CDH18: variants seen among roughly 807,000 people sequenced by gnomAD.
CDH18 encodes cadherin-18.
Under a neutral mutation model 67.9 loss-of-function variants are expected in CDH18, and 31 were observed. The observed-to-expected ratio is 0.46, with a 90% CI of 0.34 to 0.62. The LOEUF is 0.62. CDH18 is among the 20% of genes least tolerant of loss of function. The probability of loss-of-function intolerance (pLI) is 0.01; values close to 1 mark genes in which losing one functional copy is unlikely to be tolerated. For missense variants in CDH18, 890 were observed against 975.5 expected, an observed-to-expected ratio of 0.91 and a Z score of 1.17; for synonymous variants, 362 against 347.2, an observed-to-expected ratio of 1.04 and a Z score of -0.48.
intron 2 of CDH18, among the ~76,000 whole-genome samples, chr5:19,960,685 A>ATG (rs1796766530): frequency 1.5e-5 from 2 of 133,954 alleles, no homozygotes; most frequent in African/African-American, 7.2e-5. Context: ...ATATGTATAC[A>ATG]TATACACGTG....
chr5:19,593,737 T>TCTTCTTCTTCTTCTTCTTCTTCTTCTC (rs1325157951), intron 6 of CDH18, among the ~76,000 whole-genome samples: 9 of 139,320 alleles, frequency 6.5e-5, no homozygotes, highest in African/African-American at 1.5e-4. Context: ...TTCTTCTTCT[T>TCTTCTTCTTCTTCTTCTTCTTCTTCTC]CTTCTTCTTC....
chr5:19,875,394 GTATA>G (rs1316107229), intron 2 of CDH18, among the ~76,000 whole-genome samples: 1 of 115,584 alleles, frequency 8.7e-6, no homozygotes, highest in East Asian at 2.5e-4. Context: ...TCTTCCATGG[GTATA>G]GATAGATAGA....
intron 1 of CDH18, among the ~76,000 whole-genome samples, chr5:20,499,176 G>T (rs1432760480): frequency 6.6e-6 from 1 of 151,784 alleles, no homozygotes; most frequent in Non-Finnish European, 1.5e-5. Flanking sequence ...TTGGTTCCAG[G>T]ATCCCCATGG....
intron 8 of CDH18, among the ~76,000 whole-genome samples, chr5:19,547,337 T>C (rs1340341529): frequency 1.3e-5 from 2 of 152,336 alleles, no homozygotes; most frequent in South Asian, 4.1e-4. Flanking sequence ...CTTCTGTATC[T>C]GAAATTTGGA....
chr5:20,401,693 A>T (rs1745785435), intron 1 of CDH18, among the ~76,000 whole-genome samples: 1 of 152,152 alleles, frequency 6.6e-6, no homozygotes, highest in African/African-American at 2.4e-5. Context: ...GCATGTTCTG[A>T]TGAACCCACT....
chr5:19,972,672 T>G (rs1240844546), intron 2 of CDH18, among the ~76,000 whole-genome samples: 1 of 151,974 alleles, frequency 6.6e-6, no homozygotes, highest in African/African-American at 2.4e-5. Context: ...CATAATGGTG[T>G]AGGAACATAA....
chr5:19,881,896 T>C (rs904452075), intron 2 of CDH18, among the ~76,000 whole-genome samples: 3 of 152,114 alleles, frequency 2.0e-5, no homozygotes, highest in Admixed American at 6.6e-5. Flanking sequence ...CTGTATTCTA[T>C]TATAACCATG....
At chr5:20,315,749 C>T (rs1737405361) in intron 1 of CDH18, among the ~76,000 whole-genome samples, 1 of 152,114 alleles carries the variant, frequency 6.6e-6, no homozygotes, top group Admixed American at 6.6e-5. Flanking sequence ...ATTTAAGTCT[C>T]ACAAAGGCTA....
chr5:19,699,655 T>TGTGTGC (rs1762981219), intron 5 of CDH18, among the ~76,000 whole-genome samples: 1 of 151,760 alleles, frequency 6.6e-6, no homozygotes, highest in Non-Finnish European at 1.5e-5. Context: ...TGTGTGTGTG[T>TGTGTGC]GTGTGTGTGT....
At chr5:19,588,300 G>T (rs930335806) in intron 7 of CDH18, among the ~76,000 whole-genome samples, 5 of 151,872 alleles carry the variant, frequency 3.3e-5, no homozygotes, top group African/African-American at 9.7e-5. Flanking sequence ...GATTGCCCTG[G>T]CCAGAAGCTT....
At chr5:20,090,459 T>C (rs1158476538) in intron 2 of CDH18, among the ~76,000 whole-genome samples, 2 of 152,090 alleles carry the variant, frequency 1.3e-5, no homozygotes, top group East Asian at 1.9e-4. Flanking sequence ...CGCTTGAACC[T>C]GGGAGGCAGA....
intron 2 of CDH18, among the ~76,000 whole-genome samples, chr5:19,858,209 T>G (rs1784509562): frequency 1.3e-5 from 2 of 152,272 alleles, no homozygotes; most frequent in South Asian, 4.1e-4. Flanking sequence ...CTAAGCAGAT[T>G]TAAAGATTTT....
At chr5:20,277,363 A>C (rs1015647817) in intron 1 of CDH18, among the ~76,000 whole-genome samples, 1 of 152,160 alleles carries the variant, frequency 6.6e-6, no homozygotes, top group Non-Finnish European at 1.5e-5. Context: ...GTCTCCAACC[A>C]GTAATCCAGA....
chr5:20,503,278 CT>C (rs371202411), intron 1 of CDH18, among the ~76,000 whole-genome samples: 3,839 of 150,266 alleles, frequency 0.026, 150 homozygotes, highest in African/African-American at 0.088. Flanking sequence ...GACACAGTGA[CT>C]TTTTTTTAAT....
At chr5:20,377,362 G>C (rs1044599810) in intron 1 of CDH18, among the ~76,000 whole-genome samples, 2 of 152,128 alleles carry the variant, frequency 1.3e-5, no homozygotes, top group African/African-American at 4.8e-5. Flanking sequence ...ATGAGAAAGA[G>C]ATATTTGATT....
intron 8 of CDH18, among the ~76,000 whole-genome samples, chr5:19,549,399 G>T (rs1736939641): frequency 6.6e-6 from 1 of 152,090 alleles, no homozygotes. Flanking sequence ...CATGCTTCCT[G>T]CACACTCTGC....
At chr5:20,230,009 A>AT (rs1741938439) in intron 2 of CDH18, among the ~76,000 whole-genome samples, 2 of 152,108 alleles carry the variant, frequency 1.3e-5, no homozygotes, top group South Asian at 4.2e-4. Flanking sequence ...ACCAGCATCT[A>AT]TTTTTTTCTC....
At chr5:19,507,338 TCAGTG>T (rs2126799019) in intron 10 of CDH18, among the ~76,000 whole-genome samples, 1 of 152,238 alleles carries the variant, frequency 6.6e-6, no homozygotes, top group South Asian at 2.1e-4. Flanking sequence ...CTTGTGGAAG[TCAGTG>T]TGGCAATTCC....
At chr5:20,050,084 A>G (rs1478548521) in intron 2 of CDH18, among the ~76,000 whole-genome samples, 1 of 151,818 alleles carries the variant, frequency 6.6e-6, no homozygotes, top group Non-Finnish European at 1.5e-5. Flanking sequence ...TAATAAAAAA[A>G]AGTGGTATGT....
Sources: allele counts gnomAD v4.1 joint callset (sites outside exome capture counted in the v4.1 genomes callset), GRCh38; gene constraint gnomAD v4.1.1; transcripts MANE v1.5; gene names NCBI Gene and HGNC (gene_info 2026-07-23, HGNC 2026-07-21).